The following SVOPL variants were observed in gnomAD, a reference collection of about 807,000 sequenced individuals.
SVOPL encodes the protein putative transporter SVOPL.
SVOPL carries 60 observed loss-of-function variants against 61.0 expected under a neutral mutation model. The ratio of observed to expected loss-of-function variants is 0.98; its 90% CI spans 0.80 to 1.22. SVOPL has a LOEUF of 1.22. Ranked by LOEUF, SVOPL falls within the 50% of genes most tolerant of loss-of-function variation. The pLI is 0.00. For synonymous variants in SVOPL, 279 were observed against 250.0 expected (o/e 1.12, Z -1.09); for missense variants, 662 against 643.9 (o/e 1.03, Z -0.30).
chr7:138,616,014 C>G (rs1481329893), intron 14 of SVOPL, among the ~76,000 whole-genome samples: 1 of 150,216 alleles, frequency 6.7e-6, no homozygotes, highest in Non-Finnish European at 1.5e-5. Context: ...TAAAAGAGAC[C>G]AGAAAAAACT....
At chr7:138,654,344 G>A (rs1673177) in intron 7 of SVOPL, among the ~76,000 whole-genome samples, 34,345 of 151,940 alleles carry the variant, frequency 0.23, 4,506 homozygotes, top group East Asian at 0.39. Context: ...TTGATTACAC[G>A]AATGTATTAT....
At chr7:138,627,228 C>G (rs1799931371) in intron 12 of SVOPL, 122 bp downstream of exon 12, 1 of 674,894 alleles carries the variant, frequency 1.5e-6, no homozygotes, top group Admixed American at 2.7e-5. Context: ...GTCAAGCAAG[C>G]AGCCCATTCT....
chr7:138,618,612 G>A (rs1375970333), intron 14 of SVOPL, among the ~76,000 whole-genome samples: 1 of 152,140 alleles, frequency 6.6e-6, no homozygotes, highest in Non-Finnish European at 1.5e-5. Flanking sequence ...AGTGAACCAA[G>A]ATCATACCAC....
intron 14 of SVOPL, among the ~76,000 whole-genome samples, chr7:138,614,742 G>T (rs1315907646): frequency 1.3e-5 from 2 of 152,128 alleles, no homozygotes; most frequent in African/African-American, 4.8e-5. Flanking sequence ...GACGAGGCTG[G>T]AGATTTGGGG....
At chr7:138,693,148 A>G (rs1390508417) in intron 1 of SVOPL, among the ~76,000 whole-genome samples, 2 of 152,198 alleles carry the variant, frequency 1.3e-5, no homozygotes, top group African/African-American at 4.8e-5. Context: ...ACCAAGAAAT[A>G]AAGTATAATT....
chr7:138,663,804 T>G (rs1295512438), intron 4 of SVOPL, among the ~76,000 whole-genome samples: 1 of 150,760 alleles, frequency 6.6e-6, no homozygotes, highest in African/African-American at 2.5e-5. Context: ...CAGCCCTGAC[T>G]GACGGCCTCC....
At position 138,633,335 on chromosome 7, in the gene SVOPL, G is replaced by A. The variant is rs185435845; in HGVS notation, c.790-3213C>T. 7.8e-4 allele frequency among the ~76,000 whole-genome samples: 118 copies of A among 152,254 alleles called. 1 individual carries two copies. Among genetic ancestry groups the A allele is most frequent in the East Asian group, 5.8e-3 (30 of 5,180 alleles). ...GAGGCTTATGGGAGGTGTTTGGGTC[G>A]TGGGGGTGGATCCCTCATGAAGGGC... On this transcript the variant is annotated intron_variant, in intron 9 of 15. Coordinates refer to ENST00000674285, the MANE Select transcript of SVOPL (RefSeq NM_001139456.2).
Position 138,678,431 on chromosome 7 carries a change from C to A in SVOPL, c.174+3G>T, listed in dbSNP as rs1419822249. On this transcript the variant is annotated splice_donor_region_variant and intron_variant, in intron 3 of 15. Transcript: ENST00000674285. ...TTCGTCAACATCTCGAAGGAGCACT[C>A]ACCCCAGTACTGCCCATGATCAGAA... 1 of 1,549,890 alleles carries A rather than the reference C, an allele frequency of 6.5e-7. No homozygotes were observed. The highest frequency in any genetic ancestry group is 2.0e-5 in the Admixed American group (1 of 50,380).
rs770131425 is a variant in SVOPL, at chr7:138,663,081, C to T, written c.338G>A (p.Arg113His). The T allele has an allele frequency of 1.2e-6, 2 of 1,614,148 alleles. No homozygotes were observed. The highest frequency in any genetic ancestry group is 1.7e-5 in the Admixed American group (1 of 60,016). Residue 113 changes from arginine (R) to histidine (H), a missense_variant, in exon 5 of 16, where the codon CGC (arginine) becomes CAC (histidine). Coordinates refer to ENST00000674285, the MANE Select transcript of SVOPL (RefSeq NM_001139456.2). ...LFGLLADRYG[R>H]WKILLISFLW... ...CTGTGAGGCCCCACCTACCTTCCAG[C>T]GGCCATATCTGTCAGCCAGGAGGCC...
intron 1 of SVOPL, chr7:138,689,014 C>CA (rs1335215232): frequency 1.9e-5 from 13 of 681,860 alleles, no homozygotes; most frequent in African/African-American, 3.6e-5. Flanking sequence ...GAGAACTCCA[C>CA]AAAATCATGC....
chr7:138,655,924 G>A (rs1225567598), intron 7 of SVOPL, among the ~76,000 whole-genome samples: 2 of 152,144 alleles, frequency 1.3e-5, no homozygotes, highest in Non-Finnish European at 2.9e-5. Context: ...AGAATTGACT[G>A]CAATTTTGAA....
At chr7:138,622,617 T>C (rs369822014) in intron 13 of SVOPL, among the ~76,000 whole-genome samples, 12 of 152,192 alleles carry the variant, frequency 7.9e-5, no homozygotes, top group South Asian at 6.2e-4. Flanking sequence ...CTTTTTAACA[T>C]TTTATTAAAT....
At chr7:138,679,315 G>A (rs1371570596) in intron 1 of SVOPL, among the ~76,000 whole-genome samples, 1 of 151,988 alleles carries the variant, frequency 6.6e-6, no homozygotes, top group Admixed American at 6.6e-5. Context: ...TGTTGCCCAG[G>A]TTGGAGTTCA....
chr7:138,663,439 T>C, intron 4 of SVOPL: 2 of 1,245,558 alleles, frequency 1.6e-6, no homozygotes, highest in East Asian at 3.9e-5. Context: ...AGATGTGTAC[T>C]TGTGAATTTC....
intron 4 of SVOPL, among the ~76,000 whole-genome samples, chr7:138,666,009 C>CA (rs1267887010): frequency 6.6e-6 from 1 of 152,134 alleles, no homozygotes; most frequent in Non-Finnish European, 1.5e-5. Context: ...ATCACTGTCT[C>CA]AAAAACAAAC....
chr7:138,692,459 A>G (rs1272007503), intron 1 of SVOPL, among the ~76,000 whole-genome samples: 2 of 152,162 alleles, frequency 1.3e-5, no homozygotes, highest in South Asian at 2.1e-4. Flanking sequence ...CATGCAAAAA[A>G]TATGTGACAC....
rs564091279 is a variant in SVOPL, at chr7:138,631,862, C to T, written c.790-1740G>A. ...TAGATTACAGGCATGTGCCACCATG[C>T]CCGGCAGGCTCACTCTCCTTTTAGT... On this transcript the variant is annotated intron_variant, in intron 9 of 15. Coordinates refer to ENST00000674285, the MANE Select transcript of SVOPL (RefSeq NM_001139456.2). Among the ~76,000 whole-genome samples the T allele has an allele frequency of 5.3e-5, 8 of 151,968 alleles. No individual in the cohort carries two copies. The East Asian group carries it at 1.6e-3, about 29-fold the overall frequency.
chr7:138,615,813 C>G (rs1316666920), intron 14 of SVOPL, among the ~76,000 whole-genome samples: 1 of 150,976 alleles, frequency 6.6e-6, no homozygotes, highest in Non-Finnish European at 1.5e-5. Context: ...AAAAAAAGAT[C>G]ACAGATGTAC....
At chr7:138,684,062 G>A (rs1354259607) in intron 1 of SVOPL, among the ~76,000 whole-genome samples, 1 of 150,988 alleles carries the variant, frequency 6.6e-6, no homozygotes, top group South Asian at 2.1e-4. Flanking sequence ...CGGCAGGGGG[G>A]CAGGTGGCAA....
Sources: allele counts gnomAD v4.1 joint callset (sites outside exome capture counted in the v4.1 genomes callset), GRCh38; gene constraint gnomAD v4.1.1; transcripts MANE v1.5; gene names NCBI Gene and HGNC (gene_info 2026-07-23, HGNC 2026-07-21).